FMNL2: variants seen among roughly 807,000 people sequenced by gnomAD.
FMNL2 encodes formin-like protein 2.
A neutral mutation model predicts 130.2 loss-of-function variants in FMNL2; 51 were observed. The ratio of observed to expected loss-of-function variants is 0.39; its 90% CI spans 0.31 to 0.49. FMNL2 has a LOEUF of 0.49. Ranked by LOEUF, FMNL2 falls within the 20% of genes least tolerant of loss-of-function variation. FMNL2 has a pLI of 0.85. For synonymous variants in FMNL2, 465 were observed against 467.1 expected, an observed-to-expected ratio of 1.00 and a Z score of 0.06; for missense variants, 977 against 1,316.2, an observed-to-expected ratio of 0.74 and a Z score of 3.99.
At chr2:152,342,113 A>G (rs1356154506) in intron 1 of FMNL2, among the ~76,000 whole-genome samples, 4 of 152,182 alleles carry the variant, frequency 2.6e-5, no homozygotes, top group Non-Finnish European at 5.9e-5. Flanking sequence ...TTTGTTCTGG[A>G]AATTCATTTG....
In FMNL2 at chr2:152,503,218, A is replaced by T. The variant is rs552908367; in HGVS notation, c.118-18725A>T. Among the ~76,000 whole-genome samples the T allele has an allele frequency of 2.6e-5, 4 of 152,376 alleles. No individual in the cohort carries two copies. The East Asian group carries it at 7.7e-4, about 29-fold the overall frequency. ...GATTGAGCTCAATTCTGAACAGAGC[A>T]TGGACAAATAGGAATTTATAGCCAA... On this transcript the variant is annotated intron_variant, in intron 1 of 25. Transcript: ENST00000288670.
chr2:152,363,536 G>T (rs930259101), intron 1 of FMNL2, among the ~76,000 whole-genome samples: 3 of 151,760 alleles, frequency 2.0e-5, no homozygotes, highest in Non-Finnish European at 4.4e-5. Context: ...ATCTTCAGTG[G>T]CAGGCTCAGT....
At chr2:152,349,658 G>A (rs1395414391) in intron 1 of FMNL2, among the ~76,000 whole-genome samples, 1 of 152,184 alleles carries the variant, frequency 6.6e-6, no homozygotes, top group African/African-American at 2.4e-5. Context: ...GGATGTAGCT[G>A]GGGAAACAAG....
At chr2:152,495,683 C>G (rs1227814783) in intron 1 of FMNL2, among the ~76,000 whole-genome samples, 2 of 54,356 alleles carry the variant, frequency 3.7e-5, no homozygotes, top group East Asian at 8.8e-4. Context: ...TTTTCATGCC[C>G]TAAAAGCTTT....
At chr2:152,376,897 T>C (rs1288268942) in intron 1 of FMNL2, among the ~76,000 whole-genome samples, 6 of 152,196 alleles carry the variant, frequency 3.9e-5, no homozygotes, top group Non-Finnish European at 7.4e-5. Context: ...TTGGAAACTT[T>C]GAGGGCATGT....
In FMNL2 at chr2:152,499,562, G is replaced by A. The variant is rs146092900; in HGVS notation, c.118-22381G>A. ...AGAAGTGAAAAAAAGGGCCTGATTC[G>A]TGAAACGATTTCCCAACTTTGTGAT... On this transcript the variant is annotated intron_variant, in intron 1 of 25. Coordinates refer to ENST00000288670, the MANE Select transcript of FMNL2 (RefSeq NM_052905.4). Among the ~76,000 whole-genome samples the A allele has an allele frequency of 6.5e-3, 983 of 152,274 alleles. 13 individuals are homozygous for A. Among genetic ancestry groups the A allele is most frequent in the African/African-American group, 0.023 (947 of 41,562 alleles).
Position 152,367,121 on chromosome 2 carries a change from G to C in FMNL2, c.117+31401G>C, listed in dbSNP as rs542003921. On this transcript the variant is annotated intron_variant, in intron 1 of 25. Coordinates refer to ENST00000288670, the MANE Select transcript of FMNL2 (RefSeq NM_052905.4). ...GATGGGGTCTTGCTCTGTCTCACAG[G>C]CTGGAATGCAGTAGTGTGATCCCGG... is the stretch of plus-strand genomic sequence containing the variant. Among the ~76,000 whole-genome samples, 6 of 148,570 alleles carry C rather than the reference G, an allele frequency of 4.0e-5. No homozygotes were observed. The East Asian group carries it at 1.2e-3, about 29-fold the overall frequency.
At chr2:152,457,803 G>A (rs1415007402) in intron 1 of FMNL2, among the ~76,000 whole-genome samples, 1 of 152,184 alleles carries the variant, frequency 6.6e-6, no homozygotes, top group Non-Finnish European at 1.5e-5. Flanking sequence ...GAGGGCTCTA[G>A]GGGACAATCT....
chr2:152,438,985 A>G (rs1361075832), intron 1 of FMNL2, among the ~76,000 whole-genome samples: 1 of 152,126 alleles, frequency 6.6e-6, no homozygotes, highest in African/African-American at 2.4e-5. Flanking sequence ...AAACATAACC[A>G]ATTTAAGATC....
chr2:152,581,073 A>G, intron 9 of FMNL2, 24 bp downstream of exon 9: 1 of 1,586,520 alleles, frequency 6.3e-7, no homozygotes, highest in Non-Finnish European at 8.6e-7. Flanking sequence ...TAGTTTTCAT[A>G]AGAATACTCA....
In FMNL2 at chr2:152,364,112, A is replaced by C. The variant is rs368328552; in HGVS notation, c.117+28392A>C. ...TCTATTGGGACACTTCTTCTCTTAG[A>C]TATATTAATTACAGACAAGTGAGTT... On this transcript the variant is annotated intron_variant, in intron 1 of 25. Transcript: ENST00000288670. Among the ~76,000 whole-genome samples, 24 of 152,156 alleles carry C rather than the reference A, an allele frequency of 1.6e-4. 1 individual carries two copies. In the South Asian group the frequency reaches 5.0e-3, roughly 32 times the overall value.
In FMNL2 at chr2:152,628,306, T is replaced by C. The variant is rs1274247004; in HGVS notation, c.2173T>C (p.Leu725=). 1 of 1,613,828 alleles carries C rather than the reference T, an allele frequency of 6.2e-7. No individual in the cohort carries two copies. The highest frequency in any genetic ancestry group is 1.1e-5 in the South Asian group (1 of 91,084). The change falls in exon 18 of 26, where the codon TTG becomes CTG. Residue 725 remains leucine (L), a synonymous_variant. Transcript: ENST00000288670. ...CTCCACATCTGTCTTTAGATTTGAC[T>C]TGAAGACACTGCCTGTGGACTTTGT... ...EICKAIHVFD[L]KTLPVDFVEC...
chr2:152,440,699 T>C (rs369327465), intron 1 of FMNL2, among the ~76,000 whole-genome samples: 1 of 152,164 alleles, frequency 6.6e-6, no homozygotes, highest in Non-Finnish European at 1.5e-5. Flanking sequence ...AGAGAACACA[T>C]TCTTATTAGT....
intron 1 of FMNL2, among the ~76,000 whole-genome samples, chr2:152,352,486 T>C (rs1182507927): frequency 6.6e-6 from 1 of 152,260 alleles, no homozygotes; most frequent in Non-Finnish European, 1.5e-5. Context: ...AAAAATATTA[T>C]GTAAATATAA....
At chr2:152,555,275 C>T (rs1256442025) in intron 4 of FMNL2, among the ~76,000 whole-genome samples, 1 of 152,180 alleles carries the variant, frequency 6.6e-6, no homozygotes, top group African/African-American at 2.4e-5. Flanking sequence ...CAGTTTGCAA[C>T]ACTGCCTAAC....
chr2:152,553,028 A>G (rs1695022639), intron 4 of FMNL2, among the ~76,000 whole-genome samples: 1 of 152,188 alleles, frequency 6.6e-6, no homozygotes, highest in Non-Finnish European at 1.5e-5. Flanking sequence ...GAGAACAGGC[A>G]TGAGATGGCA....
intron 3 of FMNL2, among the ~76,000 whole-genome samples, chr2:152,545,584 G>A (rs1308450767): frequency 6.6e-6 from 1 of 152,126 alleles, no homozygotes; most frequent in Non-Finnish European, 1.5e-5. Context: ...TGTGTTTAAA[G>A]GATTCTGGTC....
chr2:152,482,094 T>TA (rs1262612107), intron 1 of FMNL2, among the ~76,000 whole-genome samples: 1 of 152,192 alleles, frequency 6.6e-6, no homozygotes, highest in Admixed American at 6.5e-5. Context: ...GCAGCAGTCT[T>TA]ACCTTTCTCT....
intron 1 of FMNL2, among the ~76,000 whole-genome samples, chr2:152,408,621 T>C (rs1686124958): frequency 6.6e-6 from 1 of 152,190 alleles, no homozygotes; most frequent in Non-Finnish European, 1.5e-5. Context: ...GTTGAAAATA[T>C]TGACAATATT....
Sources: allele counts gnomAD v4.1 joint callset (sites outside exome capture counted in the v4.1 genomes callset), GRCh38; gene constraint gnomAD v4.1.1; transcripts MANE v1.5; gene names NCBI Gene and HGNC (gene_info 2026-07-23, HGNC 2026-07-21).